PDE4D: variants seen among roughly 807,000 people sequenced by gnomAD.
PDE4D encodes the protein 3',5'-cyclic-AMP phosphodiesterase 4D.
In PDE4D, 24 loss-of-function variants were observed where a neutral mutation model predicts 87.4. The ratio of observed to expected loss-of-function variants is 0.27; its 90% CI spans 0.20 to 0.39. The LOEUF is 0.39. Ranked by LOEUF, PDE4D falls within the 10% of genes least tolerant of loss-of-function variation. The pLI is 1.00. For missense variants in PDE4D, 714 were observed against 1,041.0 expected (o/e 0.69, Z 4.32); for synonymous variants, 384 against 383.2 (o/e 1.00, Z -0.02).
chr5:59,495,780 G>C (rs1362355095), intron 1 of PDE4D, among the ~76,000 whole-genome samples: 16 of 152,134 alleles, frequency 1.1e-4, no homozygotes, highest in Admixed American at 1.0e-3. Flanking sequence ...CTGGAGAAGT[G>C]GCTCGCTTCT....
chr5:60,442,448 G>A (rs1040512755), intron 1 of PDE4D, among the ~76,000 whole-genome samples: 7 of 152,046 alleles, frequency 4.6e-5, no homozygotes, highest in African/African-American at 1.7e-4. Flanking sequence ...CAGGGGGTGG[G>A]GGGACTAGGG....
At chr5:60,107,671 G>A (rs1251743907) in intron 2 of PDE4D, among the ~76,000 whole-genome samples, 1 of 152,054 alleles carries the variant, frequency 6.6e-6, no homozygotes, top group African/African-American at 2.4e-5. Flanking sequence ...TGATCAAGTG[G>A]GCTTCATCCC....
chr5:59,797,838 C>A (rs1435804936), intron 1 of PDE4D, among the ~76,000 whole-genome samples: 5 of 151,926 alleles, frequency 3.3e-5, no homozygotes, highest in African/African-American at 1.2e-4. Context: ...AGATTATCAC[C>A]CCAACAGAAT....
At chr5:60,436,025 C>G (rs1439882536) in intron 1 of PDE4D, among the ~76,000 whole-genome samples, 1 of 151,994 alleles carries the variant, frequency 6.6e-6, no homozygotes, top group African/African-American at 2.4e-5. Flanking sequence ...GCTATGTAAA[C>G]AAAAGTTCAG....
chr5:59,819,640 CTG>C (rs771413552), intron 1 of PDE4D, among the ~76,000 whole-genome samples: 2 of 152,184 alleles, frequency 1.3e-5, no homozygotes, highest in African/African-American at 2.4e-5. Flanking sequence ...CTAGGTATGA[CTG>C]TACAAAATCT....
At chr5:59,818,725 G>C (rs949495323) in intron 1 of PDE4D, among the ~76,000 whole-genome samples, 2 of 152,068 alleles carry the variant, frequency 1.3e-5, no homozygotes, top group African/African-American at 4.8e-5. Context: ...CATTGAACTA[G>C]AACACTCATG....
At chr5:59,074,687 A>C (rs1478150244) in intron 5 of PDE4D, among the ~76,000 whole-genome samples, 2 of 152,158 alleles carry the variant, frequency 1.3e-5, no homozygotes, top group Admixed American at 6.5e-5. Flanking sequence ...CAACCTAGGG[A>C]GGCAGAGGTT....
intron 5 of PDE4D, among the ~76,000 whole-genome samples, chr5:59,166,755 A>T (rs1466602254): frequency 6.6e-6 from 1 of 152,202 alleles, no homozygotes; most frequent in East Asian, 1.9e-4. Context: ...GTTGGTAATC[A>T]TATTGGAAAT....
intron 1 of PDE4D, among the ~76,000 whole-genome samples, chr5:59,660,891 A>G (rs894313490): frequency 1.3e-5 from 2 of 152,026 alleles, no homozygotes; most frequent in African/African-American, 4.8e-5. Context: ...CTATTTTTAA[A>G]AATACCACTC....
chr5:59,945,500 T>A (rs193198315), intron 3 of PDE4D, among the ~76,000 whole-genome samples: 73 of 152,324 alleles, frequency 4.8e-4, no homozygotes, highest in Non-Finnish European at 7.9e-4. Flanking sequence ...GATCTTTTAA[T>A]CTGAAAATAT....
At chr5:59,458,572 G>A (rs144502564) in intron 1 of PDE4D, among the ~76,000 whole-genome samples, 2,411 of 152,172 alleles carry the variant, frequency 0.016, 83 homozygotes, top group African/African-American at 0.056. Flanking sequence ...ACCTTCTATC[G>A]TTGTTGAACT....
intron 1 of PDE4D, among the ~76,000 whole-genome samples, chr5:59,658,863 G>C (rs1384951828): frequency 6.6e-6 from 1 of 152,002 alleles, no homozygotes; most frequent in Non-Finnish European, 1.5e-5. Context: ...TTTCAGCCAA[G>C]CAGGTGGCTC....
chr5:59,832,948 C>T (rs552084311), intron 1 of PDE4D, among the ~76,000 whole-genome samples: 64 of 151,880 alleles, frequency 4.2e-4, no homozygotes, highest in Admixed American at 1.4e-3. Flanking sequence ...AGATGGGGGC[C>T]GGAAGGAACG....
At chr5:60,135,215 T>C (rs534669096) in intron 2 of PDE4D, among the ~76,000 whole-genome samples, 38 of 152,306 alleles carry the variant, frequency 2.5e-4, no homozygotes, top group Non-Finnish European at 4.3e-4. Flanking sequence ...GTGCCAACTA[T>C]GAACCAGAAA....
chr5:59,883,729 C>A (rs924572215), intron 1 of PDE4D, among the ~76,000 whole-genome samples: 1 of 152,102 alleles, frequency 6.6e-6, no homozygotes, highest in African/African-American at 2.4e-5. Context: ...AATCTTAAAG[C>A]AACAGTGTTC....
At chr5:59,161,442 G>A (rs900255295) in intron 5 of PDE4D, among the ~76,000 whole-genome samples, 1 of 152,204 alleles carries the variant, frequency 6.6e-6, no homozygotes, top group African/African-American at 2.4e-5. Flanking sequence ...GTTATTATCA[G>A]TAGAAAGGAA....
chr5:59,369,740 A>G (rs1783661802), intron 1 of PDE4D, among the ~76,000 whole-genome samples: 1 of 152,108 alleles, frequency 6.6e-6, no homozygotes, highest in African/African-American at 2.4e-5. Flanking sequence ...GCTCCTTTGT[A>G]CTGCAGAAAG....
At chr5:60,313,923 G>T (rs929508799) in intron 1 of PDE4D, among the ~76,000 whole-genome samples, 1 of 151,960 alleles carries the variant, frequency 6.6e-6, no homozygotes, top group African/African-American at 2.4e-5. Flanking sequence ...AGCAAACTAG[G>T]CATTAAAGGA....
At chr5:59,412,299 G>A (rs977497799) in intron 1 of PDE4D, among the ~76,000 whole-genome samples, 3 of 152,126 alleles carry the variant, frequency 2.0e-5, no homozygotes, top group African/African-American at 7.2e-5. Context: ...GGCTACTTCT[G>A]TTACTTTCTC....
Sources: gnomAD v4.1 joint callset for allele counts (sites outside exome capture counted in the v4.1 genomes callset) on GRCh38, gnomAD v4.1.1 for gene constraint, MANE v1.5 for transcripts, NCBI Gene and HGNC (gene_info 2026-07-23, HGNC 2026-07-21) for gene names.